SNX29: variants seen among roughly 807,000 people sequenced by gnomAD.
SNX29 encodes sorting nexin-29.
SNX29 carries 78 observed loss-of-function variants against 102.1 expected under a neutral mutation model. That is an observed-to-expected ratio of 0.76 (90% confidence interval 0.64 to 0.92). The LOEUF (loss-of-function observed/expected upper bound fraction) is 0.92, where lower values mean the gene tolerates loss of function less well. Among genes scored for constraint, SNX29 ranks in the 40% least tolerant of loss-of-function variants. The probability of loss-of-function intolerance (pLI) is 0.00; values close to 1 mark genes in which losing one functional copy is unlikely to be tolerated. For missense variants in SNX29, 1,280 were observed against 1,061.7 expected (o/e 1.21, Z -2.86); for synonymous variants, 580 against 414.5 (o/e 1.40, Z -4.85).
intron 15 of SNX29, among the ~76,000 whole-genome samples, chr16:12,282,920 G>C (rs1400985781): frequency 6.6e-5 from 10 of 152,212 alleles, no homozygotes; most frequent in Non-Finnish European, 1.5e-4. Flanking sequence ...GCCTCTCAAA[G>C]TGCTGGGATT....
intron 19 of SNX29, among the ~76,000 whole-genome samples, chr16:12,521,327 G>A (rs549398198): frequency 3.9e-5 from 6 of 152,232 alleles, no homozygotes; most frequent in Admixed American, 3.9e-4. Context: ...ACCTGGCTTA[G>A]GTTTCCAGGA....
chr16:12,122,448 A>G (rs553193566), intron 11 of SNX29, among the ~76,000 whole-genome samples: 119 of 152,224 alleles, frequency 7.8e-4, no homozygotes, highest in African/African-American at 2.8e-3. Context: ...CACGACTGCT[A>G]TAGCCAGCAA....
intron 9 of SNX29, among the ~76,000 whole-genome samples, chr16:12,061,969 T>C (rs898635068): frequency 1.3e-5 from 2 of 152,090 alleles, no homozygotes; most frequent in Admixed American, 6.6e-5. Flanking sequence ...TGACCACAAA[T>C]AGTGACCACG....
intron 15 of SNX29, among the ~76,000 whole-genome samples, chr16:12,352,378 A>AG (rs1186738571): frequency 1.0e-4 from 15 of 145,656 alleles, no homozygotes; most frequent in African/African-American, 3.6e-4. Flanking sequence ...CGGTGGGGGA[A>AG]GGGGGGAGGG....
intron 16 of SNX29, among the ~76,000 whole-genome samples, chr16:12,373,353 C>G (rs948553896): frequency 6.6e-6 from 1 of 152,152 alleles, no homozygotes; most frequent in Non-Finnish European, 1.5e-5. Context: ...TGGTCTCAAA[C>G]TCCTGGGCTC....
chr16:12,404,074 G>A lies in SNX29; in HGVS notation c.2037+545G>A, dbSNP rs1443194755. 2.6e-5 allele frequency among the ~76,000 whole-genome samples: 4 copies of A among 152,278 alleles called. No individual in the cohort carries two copies. The East Asian group carries it at 7.7e-4, about 29-fold the overall frequency. ...CTGTGACTGGCCTGATTCAGCTCAT[G>A]TGACCACCACTGTCGCCAGGGTGGG... On this transcript the variant is annotated intron_variant, in intron 18 of 20. Transcript: ENST00000566228.
chr16:12,491,682 C>T (rs542142609), intron 19 of SNX29, among the ~76,000 whole-genome samples: 17 of 152,152 alleles, frequency 1.1e-4, no homozygotes, highest in Non-Finnish European at 2.1e-4. Flanking sequence ...CTCCCCCTTC[C>T]CCCAACCCCA....
intron 14 of SNX29, among the ~76,000 whole-genome samples, chr16:12,232,769 C>G (rs1254026310): frequency 6.6e-6 from 1 of 152,122 alleles, no homozygotes; most frequent in Non-Finnish European, 1.5e-5. Context: ...CAGAAGATGT[C>G]CCCTGAGAGG....
intron 20 of SNX29, among the ~76,000 whole-genome samples, chr16:12,537,203 C>G (rs928919334): frequency 6.6e-6 from 1 of 152,194 alleles, no homozygotes; most frequent in Non-Finnish European, 1.5e-5. Context: ...CCCTAAATTG[C>G]TGAGCTTAGA....
chr16:12,427,199 G>T (rs56696659), intron 18 of SNX29, among the ~76,000 whole-genome samples: 1 of 151,998 alleles, frequency 6.6e-6, no homozygotes, highest in Non-Finnish European at 1.5e-5. Context: ...GTTTCTTCTC[G>T]GTGCCAACCC....
chr16:12,155,337 A>G (rs1190636126), intron 13 of SNX29, among the ~76,000 whole-genome samples: 1 of 152,208 alleles, frequency 6.6e-6, no homozygotes, highest in African/African-American at 2.4e-5. Flanking sequence ...GATTCAGAAG[A>G]ACAGGCGCAA....
At chr16:12,321,186 C>T (rs1401816642) in intron 15 of SNX29, among the ~76,000 whole-genome samples, 2 of 152,126 alleles carry the variant, frequency 1.3e-5, no homozygotes, top group East Asian at 1.9e-4. Flanking sequence ...CCAGTCTCAC[C>T]CCACCACAGT....
At chr16:12,486,205 G>A (rs1455567435) in intron 19 of SNX29, among the ~76,000 whole-genome samples, 1 of 152,140 alleles carries the variant, frequency 6.6e-6, no homozygotes, top group Non-Finnish European at 1.5e-5. Flanking sequence ...TCTGTTCTCA[G>A]ATCTTCCCCC....
At chr16:12,030,838 G>C (rs1160305176) in intron 4 of SNX29, among the ~76,000 whole-genome samples, 1 of 152,102 alleles carries the variant, frequency 6.6e-6, no homozygotes, top group Non-Finnish European at 1.5e-5. Context: ...CTGTATGCCA[G>C]GGCTGACAGG....
At chr16:12,506,066 T>G (rs1287494335) in intron 19 of SNX29, among the ~76,000 whole-genome samples, 2 of 152,212 alleles carry the variant, frequency 1.3e-5, no homozygotes, top group Non-Finnish European at 2.9e-5. Flanking sequence ...GCTCAAGTGA[T>G]TCTCATGCCT....
intron 16 of SNX29, among the ~76,000 whole-genome samples, chr16:12,396,914 T>C (rs1451104474): frequency 6.6e-6 from 1 of 152,110 alleles, no homozygotes; most frequent in African/African-American, 2.4e-5. Context: ...CTTAACTTTC[T>C]TTATTTTTTT....
chr16:12,230,022 C>T (rs568129691), intron 14 of SNX29, among the ~76,000 whole-genome samples: 3 of 152,318 alleles, frequency 2.0e-5, no homozygotes, highest in African/African-American at 4.8e-5. Context: ...TTGTAGCAGC[C>T]GCAGACATTG....
chr16:12,514,099 T>C (rs1179439039), intron 19 of SNX29, among the ~76,000 whole-genome samples: 2 of 152,188 alleles, frequency 1.3e-5, no homozygotes, highest in Admixed American at 1.3e-4. Context: ...GTGGTTTTGA[T>C]GAGTTCCACA....
At chr16:11,982,339 C>T (rs576999747) in intron 1 of SNX29, among the ~76,000 whole-genome samples, 1 of 151,536 alleles carries the variant, frequency 6.6e-6, no homozygotes, top group Non-Finnish European at 1.5e-5. Flanking sequence ...GAAAGTAGAA[C>T]TCGTAGAGCC....
Sources: gnomAD v4.1 joint callset for allele counts (sites outside exome capture counted in the v4.1 genomes callset) on GRCh38, gnomAD v4.1.1 for gene constraint, MANE v1.5 for transcripts, NCBI Gene and HGNC (gene_info 2026-07-23, HGNC 2026-07-21) for gene names.